Variants in SPON1 observed in about 807,000 individuals in gnomAD.
SPON1 encodes the protein spondin-1.
Under a neutral mutation model 111.7 loss-of-function variants are expected in SPON1, and 52 were observed. The observed-to-expected ratio is 0.47, with a 90% CI of 0.37 to 0.59. SPON1 has a LOEUF of 0.59. Ranked by LOEUF, SPON1 falls within the 20% of genes least tolerant of loss-of-function variation. SPON1 has a pLI of 0.00. For missense variants in SPON1, 957 were observed against 1,068.5 expected, an observed-to-expected ratio of 0.90 and a Z score of 1.46; for synonymous variants, 410 against 395.8, an observed-to-expected ratio of 1.04 and a Z score of -0.43.
At chr11:14,201,847 G>T (rs928193838) in intron 6 of SPON1, among the ~76,000 whole-genome samples, 1 of 152,076 alleles carries the variant, frequency 6.6e-6, no homozygotes, top group Admixed American at 6.5e-5. Flanking sequence ...GTGAAGTGGT[G>T]GGGGGAGTCC....
chr11:14,256,563 A>G, intron 9 of SPON1, 54 bp from the exon 10 acceptor site: 2 of 1,282,940 alleles, frequency 1.6e-6, no homozygotes, highest in Non-Finnish European at 2.3e-6. Flanking sequence ...CCTTCCCCCT[A>G]CACATTCCCT....
intron 5 of SPON1, among the ~76,000 whole-genome samples, chr11:14,116,417 G>A (rs1468585159): frequency 1.3e-5 from 2 of 152,050 alleles, no homozygotes; most frequent in Admixed American, 1.3e-4. Context: ...TTTGTGTATG[G>A]TGTGAGGTAG....
At chr11:14,215,096 C>G (rs1195964507) in intron 6 of SPON1, among the ~76,000 whole-genome samples, 1 of 152,012 alleles carries the variant, frequency 6.6e-6, no homozygotes, top group African/African-American at 2.4e-5. Flanking sequence ...GTTATTCAGG[C>G]TGGAGTGGCT....
intron 6 of SPON1, among the ~76,000 whole-genome samples, chr11:14,216,420 T>C (rs1472817090): frequency 6.6e-6 from 1 of 152,202 alleles, no homozygotes; most frequent in Non-Finnish European, 1.5e-5. Flanking sequence ...TATTTGAATC[T>C]CTCACTGGAT....
In SPON1 at chr11:14,267,875, A is replaced by T. The variant is rs1849290037; in HGVS notation, c.*2188A>T. On this transcript the variant is annotated 3_prime_UTR_variant, in exon 16 of 16. Coordinates refer to ENST00000576479, the MANE Select transcript of SPON1 (RefSeq NM_006108.4). Reference sequence around the variant, plus strand: ...TATTAGACACCCAGTAAAAACTGCCATATAAAGAAGTTGTAATTGTTTGTT... The same window carrying T: ...TATTAGACACCCAGTAAAAACTGCCTTATAAAGAAGTTGTAATTGTTTGTT... 6.6e-6 allele frequency: 1 copy of T among 152,238 alleles called. No individual in the cohort carries two copies. Among genetic ancestry groups the T allele is most frequent in the African/African-American group, 2.4e-5 (1 of 41,456 alleles). The allele number at this position is 152,238 out of a possible 1,614,324, so 9.4% of individuals were successfully genotyped here. A position where few individuals can be genotyped will look rare whatever the true frequency, so the allele number is the denominator to read the frequency against.
At chr11:13,980,629 A>G (rs1554909536) in intron 1 of SPON1, among the ~76,000 whole-genome samples, 1 of 152,148 alleles carries the variant, frequency 6.6e-6, no homozygotes, top group African/African-American at 2.4e-5. Context: ...AGGGCACTTC[A>G]TTTTCAAGAC....
chr11:14,219,573 A>G (rs1254409864), intron 6 of SPON1, among the ~76,000 whole-genome samples: 1 of 152,200 alleles, frequency 6.6e-6, no homozygotes, highest in Non-Finnish European at 1.5e-5. Flanking sequence ...AATGTTTGTC[A>G]TAAAACTGCC....
In SPON1 at chr11:13,988,726, A is replaced by G. The variant is rs190767323; in HGVS notation, c.345+5773A>G. Among the ~76,000 whole-genome samples, 307 of 152,300 alleles carry G rather than the reference A, an allele frequency of 2.0e-3. 4 individuals are homozygous for G. Among genetic ancestry groups the G allele is most frequent in the African/African-American group, 7.0e-3 (291 of 41,564 alleles). ...TATTATTTTGAGATATGTTCCATTA[A>G]TACCTAGTTTATTGAGAGTTTTTAG... is the stretch of plus-strand genomic sequence containing the variant. On this transcript the variant is annotated intron_variant, in intron 2 of 15. Coordinates refer to ENST00000576479, the MANE Select transcript of SPON1 (RefSeq NM_006108.4).
chr11:14,024,725 C>T (rs1298589064), intron 2 of SPON1, among the ~76,000 whole-genome samples: 2 of 152,220 alleles, frequency 1.3e-5, no homozygotes, highest in Non-Finnish European at 2.9e-5. Flanking sequence ...CCTGTTCTCT[C>T]TTAGGTCCAT....
intron 6 of SPON1, among the ~76,000 whole-genome samples, chr11:14,205,196 A>G (rs1343442291): frequency 6.6e-6 from 1 of 152,110 alleles, no homozygotes; most frequent in African/African-American, 2.4e-5. Context: ...GAGTACTACC[A>G]TTCCTGCTTA....
intron 5 of SPON1, among the ~76,000 whole-genome samples, chr11:14,084,380 C>T (rs375187699): frequency 3.0e-4 from 46 of 152,098 alleles, no homozygotes; most frequent in Admixed American, 2.0e-3. Context: ...CTCCCACTTA[C>T]GAGTGAGAAC....
chr11:14,071,589 A>T (rs1848876748), intron 3 of SPON1, among the ~76,000 whole-genome samples: 1 of 152,196 alleles, frequency 6.6e-6, no homozygotes, highest in East Asian at 1.9e-4. Flanking sequence ...CTCCTAGAAC[A>T]TTGGTAGTAG....
chr11:14,069,064 A>G (rs1188151164), intron 3 of SPON1, among the ~76,000 whole-genome samples: 1 of 152,208 alleles, frequency 6.6e-6, no homozygotes, highest in African/African-American at 2.4e-5. Flanking sequence ...TGAATCTACA[A>G]TATCTCAATA....
chr11:14,111,305 T>C (rs1325593797), intron 5 of SPON1, among the ~76,000 whole-genome samples: 1 of 152,182 alleles, frequency 6.6e-6, no homozygotes, highest in Non-Finnish European at 1.5e-5. Context: ...TCATCTTTGC[T>C]TTTTCCCTGC....
intron 2 of SPON1, among the ~76,000 whole-genome samples, chr11:14,007,308 A>T (rs556435632): frequency 4.6e-5 from 7 of 152,316 alleles, no homozygotes; most frequent in African/African-American, 1.7e-4. Flanking sequence ...TAACTCACAC[A>T]ATCACAGGGT....
At chr11:14,091,116 C>G (rs1402465840) in intron 5 of SPON1, among the ~76,000 whole-genome samples, 1 of 152,130 alleles carries the variant, frequency 6.6e-6, no homozygotes, top group Non-Finnish European at 1.5e-5. Context: ...CTCCAAAGCC[C>G]CACCAGAGCA....
intron 3 of SPON1, among the ~76,000 whole-genome samples, chr11:14,058,887 C>G (rs1302426494): frequency 6.6e-6 from 1 of 152,220 alleles, no homozygotes; most frequent in African/African-American, 2.4e-5. Context: ...GATTTGAACC[C>G]TGGACAGTCT....
chr11:14,213,952 C>T (rs2133903167), intron 6 of SPON1, among the ~76,000 whole-genome samples: 1 of 152,282 alleles, frequency 6.6e-6, no homozygotes, highest in Non-Finnish European at 1.5e-5. Context: ...CTAAGCTAGT[C>T]CATCAAACCC....
rs1554930341 is a variant in SPON1, at chr11:14,155,795, C to G, written c.825+20227C>G. On this transcript the variant is annotated intron_variant, in intron 6 of 15. Coordinates refer to ENST00000576479, the MANE Select transcript of SPON1 (RefSeq NM_006108.4). Reference sequence around the variant, plus strand: ...GATAGTTTACTGAGAATAATGATTTCCAATTTCATCCATGTCCCTCAAAGG... The same window carrying G: ...GATAGTTTACTGAGAATAATGATTTGCAATTTCATCCATGTCCCTCAAAGG... Among the ~76,000 whole-genome samples, 2 of 123,994 alleles carry G rather than the reference C, an allele frequency of 1.6e-5. 1 individual carries two copies. Among genetic ancestry groups the G allele is most frequent in the African/African-American group, 5.6e-5 (2 of 35,406 alleles). The allele number at this position is 123,994 out of a possible 152,430, so 81.3% of individuals were successfully genotyped here.
Sources: gnomAD v4.1 joint callset for allele counts (sites outside exome capture counted in the v4.1 genomes callset) on GRCh38, gnomAD v4.1.1 for gene constraint, MANE v1.5 for transcripts, NCBI Gene and HGNC (gene_info 2026-07-23, HGNC 2026-07-21) for gene names.